The following SH3KBP1 variants were observed in gnomAD, a reference collection of about 807,000 sequenced individuals.
SH3KBP1 encodes the protein SH3 domain-containing kinase-binding protein 1.
Under a neutral mutation model 50.1 loss-of-function variants are expected in SH3KBP1, and 8 were observed. The observed-to-expected ratio is 0.16, with a 90% CI of 0.09 to 0.29. SH3KBP1 has a LOEUF of 0.29. SH3KBP1 is among the 10% of genes least tolerant of loss of function. SH3KBP1 has a pLI of 1.00. For synonymous variants in SH3KBP1, 227 were observed against 218.6 expected (o/e 1.04, Z -0.34); for missense variants, 377 against 535.2 (o/e 0.70, Z 2.92).
At chrX:19,770,182 G>A (rs2065746272) in intron 2 of SH3KBP1, among the ~76,000 whole-genome samples, 1 of 111,301 alleles carries the variant, frequency 9.0e-6, no homozygotes. Context: ...TATTTTTTCT[G>A]CTCTTCTCCC....
chrX:19,609,425 T>C (rs1369020996), intron 8 of SH3KBP1, among the ~76,000 whole-genome samples: 1 of 112,059 alleles, frequency 8.9e-6, no homozygotes. Context: ...CTGCTTTTTG[T>C]CCTATAGCAG....
chrX:19,612,599 C>G (rs748650719), intron 8 of SH3KBP1, among the ~76,000 whole-genome samples: 2 of 111,676 alleles, frequency 1.8e-5, no homozygotes, highest in East Asian at 5.6e-4. Context: ...AAATGGCTCT[C>G]AAACCTGGCT....
intron 3 of SH3KBP1, among the ~76,000 whole-genome samples, chrX:19,735,322 T>A (rs766752870): frequency 9.1e-6 from 1 of 110,497 alleles, no homozygotes; most frequent in African/African-American, 3.3e-5. Flanking sequence ...ACTGTAACCT[T>A]TATCATTTCC....
intron 2 of SH3KBP1, among the ~76,000 whole-genome samples, chrX:19,810,652 G>A (rs751742017): frequency 8.9e-6 from 1 of 112,628 alleles, no homozygotes; most frequent in African/African-American, 3.2e-5. Context: ...TAGGGACTGT[G>A]TTCAGCTTCA....
In SH3KBP1 at chrX:19,556,477, A is replaced by AG. The variant is rs1185155424; in HGVS notation, c.1385-6395dup. 2.7e-5 allele frequency among the ~76,000 whole-genome samples: 3 copies of AG among 110,967 alleles called. No individual in the cohort carries two copies. The Admixed American group carries it at 2.9e-4, about 11-fold the overall frequency. ...TATCAAGATGGGCCCAATATTAGGG[A>AG]GGGGTCAAATGAGCACCTGTGTTAG... On this transcript the variant is annotated intron_variant, in intron 13 of 17. Transcript: ENST00000397821.
intron 2 of SH3KBP1, among the ~76,000 whole-genome samples, chrX:19,772,818 A>C (rs1301167172): frequency 8.9e-6 from 1 of 111,742 alleles, no homozygotes; most frequent in African/African-American, 3.3e-5. Context: ...CTTCCTCCTC[A>C]TCTTCCCCCA....
intron 11 of SH3KBP1, among the ~76,000 whole-genome samples, chrX:19,590,822 T>TC (rs2066726690): frequency 1.2e-5 from 1 of 83,187 alleles, no homozygotes; most frequent in African/African-American, 4.5e-5. Flanking sequence ...TTTTTTTTTT[T>TC]TTTTTTTTTT....
chrX:19,553,180 G>C (rs773929689), intron 13 of SH3KBP1, among the ~76,000 whole-genome samples: 1 of 111,291 alleles, frequency 9.0e-6, no homozygotes, highest in East Asian at 2.9e-4. Context: ...GGAGGGGATG[G>C]GACAGCTTTG....
At chrX:19,841,414 C>T (rs1325689870) in intron 1 of SH3KBP1, among the ~76,000 whole-genome samples, 4 of 112,329 alleles carry the variant, frequency 3.6e-5, no homozygotes, top group Admixed American at 9.4e-5. Context: ...TGAAAGTTTC[C>T]AATTAATTTC....
In SH3KBP1 at chrX:19,577,980, GA is replaced by G. The variant is rs1194321762; in HGVS notation, c.1299-8793del. On this transcript the variant is annotated intron_variant, in intron 12 of 17. Coordinates refer to ENST00000397821, the MANE Select transcript of SH3KBP1 (RefSeq NM_031892.3). ...AAGAAAGCTGGGAAGAAAAGGAAAGGAAAAGAAATAGAAACGCCCCATTGCC... is the reference window on the plus strand; with the variant it reads ...AAGAAAGCTGGGAAGAAAAGGAAAGGAAAGAAATAGAAACGCCCCATTGCC... 4.5e-5 allele frequency among the ~76,000 whole-genome samples: 5 copies of G among 110,933 alleles called. No individual in the cohort carries two copies. The East Asian group carries it at 1.4e-3, about 31-fold the overall frequency.
chrX:19,641,333 T>C (rs2061851570), intron 7 of SH3KBP1, among the ~76,000 whole-genome samples: 1 of 112,453 alleles, frequency 8.9e-6, no homozygotes, highest in Admixed American at 9.4e-5. Flanking sequence ...TGTTTTGTTT[T>C]GTTTTTTCCC....
chrX:19,870,975 T>C (rs1439060942), intron 1 of SH3KBP1, among the ~76,000 whole-genome samples: 2 of 111,811 alleles, frequency 1.8e-5, no homozygotes, highest in Non-Finnish European at 3.8e-5. Flanking sequence ...ATGTTTTCCT[T>C]GTGAGGGGAA....
intron 2 of SH3KBP1, among the ~76,000 whole-genome samples, chrX:19,832,830 G>A (rs1207436123): frequency 3.6e-5 from 4 of 111,784 alleles, no homozygotes; most frequent in Non-Finnish European, 7.5e-5. Flanking sequence ...CCATTTCACA[G>A]CAAGGAGTCC....
intron 5 of SH3KBP1, among the ~76,000 whole-genome samples, chrX:19,690,144 C>T (rs933411143): frequency 3.7e-5 from 4 of 108,034 alleles, no homozygotes; most frequent in South Asian, 4.1e-4. Flanking sequence ...ACTGCAGCCT[C>T]GACCTCCTGG....
chrX:19,831,871 T>C (rs908224635), intron 2 of SH3KBP1, among the ~76,000 whole-genome samples: 1 of 107,439 alleles, frequency 9.3e-6, no homozygotes, highest in Non-Finnish European at 1.9e-5. Flanking sequence ...ACATAGGACA[T>C]GCATAAAGCC....
At chrX:19,575,990 G>C (rs2066184930) in intron 12 of SH3KBP1, among the ~76,000 whole-genome samples, 1 of 111,821 alleles carries the variant, frequency 8.9e-6, no homozygotes, top group South Asian at 3.7e-4. Context: ...TAATTTGCAA[G>C]CTCCTGCAAG....
At chrX:19,832,760 G>A (rs776576397) in intron 2 of SH3KBP1, among the ~76,000 whole-genome samples, 3 of 111,950 alleles carry the variant, frequency 2.7e-5, no homozygotes, top group South Asian at 7.4e-4. Context: ...GCCCACACTG[G>A]CCTAGCCCAA....
chrX:19,722,638 T>G (rs937205379), intron 3 of SH3KBP1, among the ~76,000 whole-genome samples: 3 of 104,425 alleles, frequency 2.9e-5, no homozygotes, highest in Non-Finnish European at 5.8e-5. Flanking sequence ...CCTGCCGGGC[T>G]GCAAGCACAG....
At chrX:19,752,730 C>T (rs1311532401) in intron 2 of SH3KBP1, among the ~76,000 whole-genome samples, 1 of 112,567 alleles carries the variant, frequency 8.9e-6, no homozygotes, top group Non-Finnish European at 1.9e-5. Flanking sequence ...TTTAAAAGAA[C>T]AGCACAAATG....
Sources: gnomAD v4.1 joint callset for allele counts (sites outside exome capture counted in the v4.1 genomes callset) on GRCh38, gnomAD v4.1.1 for gene constraint, MANE v1.5 for transcripts, NCBI Gene and HGNC (gene_info 2026-07-23, HGNC 2026-07-21) for gene names.